The following PARD3B variants were observed in gnomAD, a reference collection of about 807,000 sequenced individuals.
PARD3B encodes partitioning defective 3 homolog B.
PARD3B carries 103 observed loss-of-function variants against 130.2 expected under a neutral mutation model. The ratio of observed to expected loss-of-function variants is 0.79; its 90% CI spans 0.67 to 0.93. The LOEUF (loss-of-function observed/expected upper bound fraction) is 0.93. Ranked by LOEUF, PARD3B falls within the 40% of genes least tolerant of loss-of-function variation. The pLI is 0.00. For missense variants in PARD3B, 1,609 were observed against 1,499.2 expected, an observed-to-expected ratio of 1.07 and a Z score of -1.21; for synonymous variants, 583 against 553.2, an observed-to-expected ratio of 1.05 and a Z score of -0.76.
intron 2 of PARD3B, among the ~76,000 whole-genome samples, chr2:204,855,983 CT>C: frequency 6.6e-6 from 1 of 152,238 alleles, no homozygotes; most frequent in South Asian, 2.1e-4. Flanking sequence ...CATATCTTGG[CT>C]ATTTTTGAAT....
At chr2:205,349,745 TAGGAAGGAAATATGTTAGCCAAAAA>T (rs1220565720) in intron 18 of PARD3B, among the ~76,000 whole-genome samples, 1 of 151,042 alleles carries the variant, frequency 6.6e-6, no homozygotes, top group Non-Finnish European at 1.5e-5. Flanking sequence ...AATATAATAT[TAGGAAGGAAATATGTTAGCCAAAAA>T]AGGAAGGAAA....
At chr2:204,859,138 A>G (rs1034165158) in intron 2 of PARD3B, among the ~76,000 whole-genome samples, 2 of 152,244 alleles carry the variant, frequency 1.3e-5, no homozygotes, top group African/African-American at 2.4e-5. Flanking sequence ...CCAATATTTA[A>G]TAGCCAATTT....
At position 205,584,023 on chromosome 2, in the gene PARD3B, T is replaced by G. The variant is rs60941746; in HGVS notation, c.3260+30620T>G. 4.3e-3 allele frequency among the ~76,000 whole-genome samples: 660 copies of G among 152,342 alleles called. 19 individuals are homozygous for G. In the East Asian group the frequency reaches 0.093, roughly 21 times the overall value. ...TAACTCTAAGACACTACAGGGCATT[T>G]TCAAATATTTTATCTTGGAAACTTG... is the stretch of plus-strand genomic sequence containing the variant. On this transcript the variant is annotated intron_variant, in intron 22 of 22. Coordinates refer to ENST00000406610, the MANE Select transcript of PARD3B (RefSeq NM_001302769.2). This position sits in a 1 kb window ranked among gnomAD's most constrained non-coding sequence, Gnocchi z 5.5.
intron 21 of PARD3B, among the ~76,000 whole-genome samples, chr2:205,501,392 A>G (rs1249898350): frequency 6.6e-6 from 1 of 152,176 alleles, no homozygotes; most frequent in Non-Finnish European, 1.5e-5. Flanking sequence ...AGTGATGGGA[A>G]AACTTGTCTC....
Position 205,047,638 on chromosome 2 carries a change from C to T in PARD3B, c.452C>T (p.Thr151Ile), listed in dbSNP as rs1203245991. The T allele has an allele frequency of 3.9e-6, 6 of 1,550,846 alleles. No homozygotes were observed. Among genetic ancestry groups the T allele is most frequent in the South Asian group, 2.4e-5 (2 of 84,036 alleles). The part of the protein sequence containing the change: ...SDPVPGPPAD[T>I]QPSASHPGGQ... Reference sequence around the variant, plus strand: ...CCAGTGCCAGGCCCACCTGCTGATACCCAGCCAAGCGCTTCACACCCTGGT... The same window carrying T: ...CCAGTGCCAGGCCCACCTGCTGATATCCAGCCAAGCGCTTCACACCCTGGT... Residue 151 changes from threonine to isoleucine, a missense_variant, in exon 4 of 23, where the codon ACC (threonine) becomes ATC (isoleucine). Coordinates refer to ENST00000406610, the MANE Select transcript of PARD3B (RefSeq NM_001302769.2).
chr2:204,879,712 G>T (rs534593835), intron 2 of PARD3B, among the ~76,000 whole-genome samples: 1 of 152,330 alleles, frequency 6.6e-6, no homozygotes, highest in South Asian at 2.1e-4. Context: ...ATTAAAGGTT[G>T]TTAATTACCA....
intron 1 of PARD3B, among the ~76,000 whole-genome samples, chr2:204,655,547 T>C (rs2035611387): frequency 6.6e-6 from 1 of 152,204 alleles, no homozygotes. Context: ...TATACTTCAT[T>C]CATTACTATT....
At chr2:205,067,710 G>T (rs1306494599) in intron 4 of PARD3B, among the ~76,000 whole-genome samples, 2 of 151,992 alleles carry the variant, frequency 1.3e-5, no homozygotes, top group African/African-American at 4.8e-5. Flanking sequence ...TTATTTCAGT[G>T]CCATTTAAAA....
chr2:204,776,749 C>G (rs540836254), intron 2 of PARD3B, among the ~76,000 whole-genome samples: 1 of 151,782 alleles, frequency 6.6e-6, no homozygotes, highest in South Asian at 2.1e-4. Flanking sequence ...CAGAGGAATT[C>G]GGATATTTGG....
intron 2 of PARD3B, among the ~76,000 whole-genome samples, chr2:204,915,337 G>T (rs2047403443): frequency 6.6e-6 from 1 of 152,112 alleles, no homozygotes; most frequent in African/African-American, 2.4e-5. Context: ...CCCCTCCCTA[G>T]AGAAGCCTTC....
chr2:204,810,810 G>A (rs2042936032), intron 2 of PARD3B, among the ~76,000 whole-genome samples: 1 of 152,076 alleles, frequency 6.6e-6, no homozygotes, highest in African/African-American at 2.4e-5. Flanking sequence ...ATATCAGGAT[G>A]ATGCTGGCCT....
At chr2:204,724,612 A>G (rs1207342134) in intron 2 of PARD3B, among the ~76,000 whole-genome samples, 1 of 152,116 alleles carries the variant, frequency 6.6e-6, no homozygotes, top group African/African-American at 2.4e-5. Flanking sequence ...TTTGGGCTGA[A>G]TAATAGGTGT....
chr2:204,607,071 A>G (rs2033748858), intron 1 of PARD3B, among the ~76,000 whole-genome samples: 1 of 152,164 alleles, frequency 6.6e-6, no homozygotes, highest in Non-Finnish European at 1.5e-5. Flanking sequence ...GGGACTGCAA[A>G]ATAGAATCCT....
At chr2:205,531,126 C>T (rs193257033) in intron 21 of PARD3B, among the ~76,000 whole-genome samples, 88 of 152,210 alleles carry the variant, frequency 5.8e-4, no homozygotes, top group Admixed American at 2.1e-3. Context: ...CTTCTTCCAA[C>T]GTATGGAAGG....
At chr2:204,584,330 A>G (rs2032725033) in intron 1 of PARD3B, among the ~76,000 whole-genome samples, 1 of 152,200 alleles carries the variant, frequency 6.6e-6, no homozygotes, top group Non-Finnish European at 1.5e-5. Context: ...GACATTGAGT[A>G]TAATGCATTA....
chr2:205,380,790 TTATA>T (rs970920517), intron 18 of PARD3B, among the ~76,000 whole-genome samples: 7 of 101,138 alleles, frequency 6.9e-5, no homozygotes, highest in African/African-American at 3.0e-4. Context: ...AGAATATACA[TTATA>T]TATAATATAT....
At chr2:204,998,653 A>G (rs1426698199) in intron 3 of PARD3B, among the ~76,000 whole-genome samples, 1 of 151,658 alleles carries the variant, frequency 6.6e-6, no homozygotes, top group Non-Finnish European at 1.5e-5. Context: ...AAATTCTACT[A>G]AACATTTTTC....
At chr2:204,969,595 A>T (rs1374272979) in intron 3 of PARD3B, among the ~76,000 whole-genome samples, 1 of 152,224 alleles carries the variant, frequency 6.6e-6, no homozygotes, top group African/African-American at 2.4e-5. Flanking sequence ...TTAAAATTCA[A>T]TGTGTACTCT....
intron 20 of PARD3B, among the ~76,000 whole-genome samples, chr2:205,454,816 G>A (rs1486073768): frequency 6.6e-6 from 1 of 152,068 alleles, no homozygotes; most frequent in Non-Finnish European, 1.5e-5. Flanking sequence ...AAAAATGCCA[G>A]TCAGGTCACA....
Sources: allele counts gnomAD v4.1 joint callset (sites outside exome capture counted in the v4.1 genomes callset), GRCh38; gene constraint gnomAD v4.1.1; non-coding constraint Gnocchi (gnomAD v3.1); transcripts MANE v1.5; gene names NCBI Gene and HGNC (gene_info 2026-07-23, HGNC 2026-07-21).